The following NUP214 variants were observed in gnomAD, a reference collection of about 807,000 sequenced individuals.
NUP214 encodes nucleoporin 214.
NUP214 carries 79 observed loss-of-function variants against 196.2 expected under a neutral mutation model. The observed-to-expected ratio is 0.40, with a 90% CI of 0.34 to 0.49. The LOEUF (loss-of-function observed/expected upper bound fraction) is 0.49, where lower values mean the gene tolerates loss of function less well. Ranked by LOEUF, NUP214 falls within the 20% of genes least tolerant of loss-of-function variation. The pLI is 0.58. For missense variants in NUP214, 2,468 were observed against 2,539.0 expected (o/e 0.97, Z 0.60); for synonymous variants, 1,020 against 990.5 (o/e 1.03, Z -0.56).
chr9:131,166,909 A>G (rs1832800959), intron 21 of NUP214, among the ~76,000 whole-genome samples: 1 of 152,194 alleles, frequency 6.6e-6, no homozygotes, highest in Non-Finnish European at 1.5e-5. Flanking sequence ...CTATCTGAGA[A>G]TAAGCTGAAG....
intron 34 of NUP214, 107 bp downstream of exon 34, chr9:131,230,876 A>C: frequency 7.5e-7 from 1 of 1,328,296 alleles, no homozygotes; most frequent in Middle Eastern, 1.9e-4. Flanking sequence ...GTATTTTAAA[A>C]GCTGACTGGG....
chr9:131,223,940 T>C (rs923915797), intron 32 of NUP214, among the ~76,000 whole-genome samples: 26 of 150,442 alleles, frequency 1.7e-4, no homozygotes, highest in Admixed American at 1.3e-4. Flanking sequence ...TTCACCGTGT[T>C]AGCCAGGATG....
intron 17 of NUP214, among the ~76,000 whole-genome samples, chr9:131,152,848 C>T (rs1209288716): frequency 9.2e-5 from 14 of 152,100 alleles, no homozygotes; most frequent in Non-Finnish European, 2.1e-4. Context: ...ACCATCACAG[C>T]TCACTGCAGC....
At chr9:131,228,356 G>A in intron 33 of NUP214, 25 bp downstream of exon 33, 2 of 1,554,520 alleles carry the variant, frequency 1.3e-6, no homozygotes, top group East Asian at 2.4e-5. Flanking sequence ...GAGGGCCCTT[G>A]GGAACCCACA....
chr9:131,170,642 A>G (rs974978622), intron 21 of NUP214, among the ~76,000 whole-genome samples: 3 of 152,010 alleles, frequency 2.0e-5, no homozygotes, highest in South Asian at 4.1e-4. Context: ...AATACCATTG[A>G]TTTATGTGTA....
At position 131,234,329 on chromosome 9, in the gene NUP214, T is replaced by C; in HGVS notation, c.*842T>C. On this transcript the variant is annotated 3_prime_UTR_variant, in exon 36 of 36. Transcript: ENST00000359428. ...CAGGAAGTGTGAAGACAGACACTGC[T>C]GTTGCCAGACAACACTAGCAGAACG... 1 of 233,014 alleles carries C rather than the reference T, an allele frequency of 4.3e-6. No homozygotes were observed. Among genetic ancestry groups the C allele is most frequent in the Non-Finnish European group, 8.5e-6 (1 of 117,868 alleles). The allele number at this position is 233,014 out of a possible 1,614,324, so 14.4% of individuals were successfully genotyped here.
Position 131,130,824 on chromosome 9 carries a change from C to G in NUP214, c.651C>G (p.Val217=), listed in dbSNP as rs1384224346. 2 of 1,613,844 alleles carry G rather than the reference C, an allele frequency of 1.2e-6. No individual in the cohort carries two copies. The highest frequency in any genetic ancestry group is 1.7e-6 in the Non-Finnish European group (2 of 1,179,882). Residue 217 remains valine (V), a synonymous_variant, in exon 5 of 36, where the codon GTC becomes GTG. Coordinates refer to ENST00000359428, the MANE Select transcript of NUP214 (RefSeq NM_005085.4). ...LAVGKQNGTV[V]QYLPTLQEKK... is the part of the protein sequence containing the mutation. ...TGGGAAAACAGAATGGAACTGTGGTCCAGTATCTTCCTGTAAGTTCTTATC... is the reference window on the plus strand; with the variant it reads ...TGGGAAAACAGAATGGAACTGTGGTGCAGTATCTTCCTGTAAGTTCTTATC...
chr9:131,152,480 AAAT>A (rs1484131437), intron 17 of NUP214, among the ~76,000 whole-genome samples: 3 of 151,366 alleles, frequency 2.0e-5, no homozygotes, highest in Non-Finnish European at 2.9e-5. Flanking sequence ...AATTATAAAT[AAAT>A]AATAATTATA....
intron 24 of NUP214, among the ~76,000 whole-genome samples, chr9:131,185,472 T>A (rs1833427618): frequency 6.6e-6 from 1 of 152,214 alleles, no homozygotes; most frequent in Non-Finnish European, 1.5e-5. Flanking sequence ...ACCATTTTCT[T>A]CTTAGAACAA....
At position 131,234,624 on chromosome 9, in the gene NUP214, A is replaced by G. The variant is rs946736960; in HGVS notation, c.*1137A>G. 3 of 225,912 alleles carry G rather than the reference A, an allele frequency of 1.3e-5. No homozygotes were observed. The highest frequency in any genetic ancestry group is 6.7e-5 in the African/African-American group (3 of 44,788). The allele number at this position is 225,912 out of a possible 1,614,324, so 14.0% of individuals were successfully genotyped here. A position where few individuals can be genotyped will look rare whatever the true frequency, so the allele number is the denominator to read the frequency against. ...AGAGTTTTACATATTGGCAGGTTGT[A>G]TTTTTTTAATGTTTTAATAAAAGTT... On this transcript the variant is annotated 3_prime_UTR_variant, in exon 36 of 36. Transcript: ENST00000359428.
At chr9:131,189,404 A>G (rs1833541551) in intron 26 of NUP214, among the ~76,000 whole-genome samples, 1 of 151,948 alleles carries the variant, frequency 6.6e-6, no homozygotes, top group African/African-American at 2.4e-5. Flanking sequence ...TAGGAGAAAA[A>G]CCTCCCTTTA....
At chr9:131,175,723 C>G in intron 23 of NUP214, 102 bp downstream of exon 23, 1 of 1,448,044 alleles carries the variant, frequency 6.9e-7, no homozygotes, top group Non-Finnish European at 9.1e-7. Context: ...CTCTTTGGTG[C>G]CCTTCAGAAG....
intron 26 of NUP214, among the ~76,000 whole-genome samples, chr9:131,189,458 C>A (rs1485742212): frequency 6.6e-6 from 1 of 152,106 alleles, no homozygotes; most frequent in Non-Finnish European, 1.5e-5. Flanking sequence ...CTTTTTCTTC[C>A]TTGCTGGATG....
chr9:131,174,369 T>C, intron 22 of NUP214, 51 bp downstream of exon 22: 1 of 1,573,034 alleles, frequency 6.4e-7, no homozygotes, highest in East Asian at 2.3e-5. Context: ...TGTTTCTAAC[T>C]AATGACGGAA....
intron 16 of NUP214, among the ~76,000 whole-genome samples, chr9:131,151,224 G>A (rs1832252120): frequency 6.6e-6 from 1 of 152,168 alleles, no homozygotes; most frequent in Non-Finnish European, 1.5e-5. Flanking sequence ...TGTGTGCCAG[G>A]CACTGTGCCA....
At chr9:131,175,806 C>CT (rs1833098715) in intron 23 of NUP214, 185 bp downstream of exon 23, 5 of 886,982 alleles carry the variant, frequency 5.6e-6, no homozygotes, top group Non-Finnish European at 6.2e-6. Flanking sequence ...GTCTGAAAAT[C>CT]TTTGCTTTTA....
rs1266267911 is a variant in NUP214, at chr9:131,130,348, T to C, written c.593-418T>C. 5.3e-5 allele frequency among the ~76,000 whole-genome samples: 8 copies of C among 152,052 alleles called. No individual in the cohort carries two copies. The East Asian group carries it at 1.6e-3, about 30-fold the overall frequency. On this transcript the variant is annotated intron_variant, in intron 4 of 35. Transcript: ENST00000359428. Reference sequence around the variant, plus strand: ...TTAGTAGAGACGGGGTTTCACCATGTTGGCCAGGCTGGTCTTGAACTTCTG... The same window carrying C: ...TTAGTAGAGACGGGGTTTCACCATGCTGGCCAGGCTGGTCTTGAACTTCTG...
chr9:131,141,740 A>G (rs890138688), intron 11 of NUP214: 15 of 152,128 alleles, frequency 9.9e-5, no homozygotes, highest in African/African-American at 3.4e-4. Flanking sequence ...CAGCCTCCCA[A>G]AGTGCTGGGA....
At chr9:131,139,255 C>CTTTTTTTTTTTTT (rs200377608) in intron 9 of NUP214, 26 bp from the exon 10 acceptor site, 45 of 1,093,066 alleles carry the variant, frequency 4.1e-5, no homozygotes, top group South Asian at 1.0e-4. Context: ...TCTTCTTCTT[C>CTTTTTTTTTTTTT]TTTTTTTTTT....
Sources: allele counts gnomAD v4.1 joint callset (sites outside exome capture counted in the v4.1 genomes callset), GRCh38; gene constraint gnomAD v4.1.1; transcripts MANE v1.5; gene names NCBI Gene and HGNC (gene_info 2026-07-23, HGNC 2026-07-21).